The following LRRC20 variants were observed in gnomAD, a reference collection of about 807,000 sequenced individuals.
LRRC20 encodes leucine-rich repeat-containing protein 20.
A neutral mutation model predicts 14.4 loss-of-function variants in LRRC20; 11 were observed. That is an observed-to-expected ratio of 0.77 (90% CI 0.48 to 1.27). The LOEUF (loss-of-function observed/expected upper bound fraction) is 1.27. Among genes scored for constraint, LRRC20 ranks in the 50% most tolerant of loss-of-function variants. The probability of loss-of-function intolerance (pLI) is 0.00; values close to 1 mark genes in which losing one functional copy is unlikely to be tolerated. For missense variants in LRRC20, 219 were observed against 251.2 expected, an observed-to-expected ratio of 0.87 and a Z score of 0.87; for synonymous variants, 121 against 107.3, an observed-to-expected ratio of 1.13 and a Z score of -0.79.
At chr10:70,373,726 A>T (rs1019215549) in intron 2 of LRRC20, among the ~76,000 whole-genome samples, 1 of 152,242 alleles carries the variant, frequency 6.6e-6, no homozygotes, top group African/African-American at 2.4e-5. Context: ...GCTTCACAGC[A>T]GTCATGACCC....
chr10:70,379,843 T>A (rs1425652768), intron 1 of LRRC20, among the ~76,000 whole-genome samples: 5 of 152,174 alleles, frequency 3.3e-5, no homozygotes, highest in Admixed American at 2.6e-4. Context: ...TTTTTCCCAC[T>A]GTAGTGGGAG....
Position 70,380,824 on chromosome 10 carries a change from C to T in LRRC20, c.-64+1725G>A, listed in dbSNP as rs542067264. Among the ~76,000 whole-genome samples, 5 of 152,324 alleles carry T rather than the reference C, an allele frequency of 3.3e-5. No homozygotes were observed. The East Asian group carries it at 9.6e-4, about 29-fold the overall frequency. On this transcript the variant is annotated intron_variant, in intron 1 of 4. Transcript: ENST00000446961. ...CTCCTGGACACCTTCCATAAGGCCC[C>T]CACTGTGGGAGTAAAGGGGCAGAGA...
intron 2 of LRRC20, among the ~76,000 whole-genome samples, chr10:70,353,798 G>A (rs1589107220): frequency 6.6e-6 from 1 of 152,160 alleles, no homozygotes; most frequent in African/African-American, 2.4e-5. Context: ...CCTAGAATAT[G>A]TAACCCGCAT....
At chr10:70,304,583 A>G (rs1841348277) in intron 4 of LRRC20, among the ~76,000 whole-genome samples, 1 of 150,570 alleles carries the variant, frequency 6.6e-6, no homozygotes, top group Non-Finnish European at 1.5e-5. Flanking sequence ...AAATAAATTT[A>G]CCATACTAAC....
chr10:70,379,448 T>C (rs1455682083), intron 1 of LRRC20, among the ~76,000 whole-genome samples: 6 of 152,330 alleles, frequency 3.9e-5, no homozygotes, highest in Non-Finnish European at 1.5e-5. Context: ...AGTCCAAGCC[T>C]AGGACTCTTC....
At chr10:70,338,973 G>A (rs550898736) in intron 3 of LRRC20, among the ~76,000 whole-genome samples, 134 of 151,862 alleles carry the variant, frequency 8.8e-4, no homozygotes, top group African/African-American at 3.1e-3. Context: ...GTGGACATAT[G>A]TTTTTACACC....
intron 4 of LRRC20, among the ~76,000 whole-genome samples, chr10:70,320,683 G>A (rs566498221): frequency 1.3e-5 from 2 of 152,310 alleles, no homozygotes; most frequent in African/African-American, 2.4e-5. Flanking sequence ...CACATAGACT[G>A]GAGGGCCGTG....
chr10:70,310,226 T>C (rs1257298429), intron 4 of LRRC20, among the ~76,000 whole-genome samples: 1 of 152,238 alleles, frequency 6.6e-6, no homozygotes, highest in Non-Finnish European at 1.5e-5. Context: ...AGATCATTTA[T>C]GCTCACAGCA....
chr10:70,301,637 C>A, intron 4 of LRRC20, 129 bp from the exon 5 acceptor site: 1 of 1,142,354 alleles, frequency 8.8e-7, no homozygotes. Flanking sequence ...TGCACGTGGG[C>A]TCAGCTCCTG....
intron 2 of LRRC20, among the ~76,000 whole-genome samples, chr10:70,354,361 G>A (rs1381401510): frequency 2.0e-5 from 3 of 152,154 alleles, no homozygotes; most frequent in Non-Finnish European, 2.9e-5. Flanking sequence ...TAGGTGGGGC[G>A]TAAGAGTCTG....
At chr10:70,364,776 G>C (rs535324258) in intron 2 of LRRC20, among the ~76,000 whole-genome samples, 1 of 152,194 alleles carries the variant, frequency 6.6e-6, no homozygotes, top group Non-Finnish European at 1.5e-5. Flanking sequence ...CCTCGCGCTA[G>C]CCTTGGTCTC....
intron 2 of LRRC20, among the ~76,000 whole-genome samples, chr10:70,366,042 C>A (rs1426559515): frequency 6.0e-5 from 9 of 148,782 alleles, no homozygotes. Flanking sequence ...TGCACTCCAG[C>A]CTGGGTGACA....
chr10:70,324,403 C>G (rs1179718466), intron 3 of LRRC20, among the ~76,000 whole-genome samples: 2 of 152,214 alleles, frequency 1.3e-5, no homozygotes, highest in Non-Finnish European at 2.9e-5. Flanking sequence ...GCCTCTCCCC[C>G]TCGGGGCTCC....
At chr10:70,358,346 A>G (rs185169425) in intron 2 of LRRC20, among the ~76,000 whole-genome samples, 1,589 of 152,306 alleles carry the variant, frequency 0.01, 24 homozygotes, top group South Asian at 0.056. Flanking sequence ...TGCGAGAGCC[A>G]CACCCGCTGA....
chr10:70,330,806 C>G (rs1490542108), intron 3 of LRRC20, among the ~76,000 whole-genome samples: 4 of 152,186 alleles, frequency 2.6e-5, no homozygotes, highest in Non-Finnish European at 5.9e-5. Flanking sequence ...TTCCACTGCT[C>G]TACCCAAGCT....
intron 2 of LRRC20, among the ~76,000 whole-genome samples, chr10:70,344,115 ATCG>A (rs1843000573): frequency 6.6e-6 from 1 of 152,212 alleles, no homozygotes; most frequent in African/African-American, 2.4e-5. Flanking sequence ...TGGGAAGAAG[ATCG>A]CTTGAACCCA....
At chr10:70,379,797 A>T (rs1487414370) in intron 1 of LRRC20, among the ~76,000 whole-genome samples, 1 of 152,156 alleles carries the variant, frequency 6.6e-6, no homozygotes, top group Non-Finnish European at 1.5e-5. Flanking sequence ...GCCTTAGACC[A>T]GCGGTCCCCA....
At chr10:70,346,027 G>A (rs979528068) in intron 2 of LRRC20, among the ~76,000 whole-genome samples, 6 of 152,044 alleles carry the variant, frequency 3.9e-5, no homozygotes, top group Non-Finnish European at 8.8e-5. Flanking sequence ...TTGAGGGGCC[G>A]AGGCAGGGAG....
At chr10:70,381,251 G>C (rs11816533) in intron 1 of LRRC20, among the ~76,000 whole-genome samples, 23,950 of 152,200 alleles carry the variant, frequency 0.16, 2,138 homozygotes, top group South Asian at 0.29. Flanking sequence ...AGGACTTTGC[G>C]AACCATTACA....
Sources: gnomAD v4.1 joint callset for allele counts (sites outside exome capture counted in the v4.1 genomes callset) on GRCh38, gnomAD v4.1.1 for gene constraint, MANE v1.5 for transcripts, NCBI Gene and HGNC (gene_info 2026-07-23, HGNC 2026-07-21) for gene names.